PIGN: variants seen among roughly 807,000 people sequenced by gnomAD.
PIGN encodes phosphatidylinositol glycan anchor biosynthesis class N.
PIGN carries 117 observed loss-of-function variants against 125.4 expected under a neutral mutation model. The observed-to-expected ratio is 0.93, with a 90% CI of 0.80 to 1.09. The LOEUF (loss-of-function observed/expected upper bound fraction) is 1.09, where lower values mean the gene tolerates loss of function less well. PIGN is among the 50% of genes least tolerant of loss of function. The pLI is 0.00. For synonymous variants in PIGN, 392 were observed against 377.8 expected (o/e 1.04, Z -0.44); for missense variants, 1,075 against 1,094.9 (o/e 0.98, Z 0.26).
At chr18:62,040,323 T>C (rs938875583), downstream of PIGN, among the ~76,000 whole-genome samples, 1 of 152,140 alleles carries the variant, frequency 6.6e-6, no homozygotes, top group African/African-American at 2.4e-5. Context: ...CCGCACCCCA[T>C]GCAGTGGTCA....
chr18:62,032,719 T>C (rs752906059), intron 23 of PIGN, among the ~76,000 whole-genome samples: 3 of 152,358 alleles, frequency 2.0e-5, no homozygotes, highest in Non-Finnish European at 4.4e-5. Context: ...TATTTATAAT[T>C]ATCCAGTGTT....
chr18:62,048,085 A>G (rs542470273), intron 30 of PIGN, among the ~76,000 whole-genome samples: 21 of 152,346 alleles, frequency 1.4e-4, no homozygotes, highest in Non-Finnish European at 2.9e-4. Flanking sequence ...GAAGTGCTCA[A>G]TAGCAGAACT....
intron 30 of PIGN, chr18:62,072,392 C>A: frequency 4.1e-6 from 1 of 240,986 alleles, no homozygotes; most frequent in East Asian, 7.9e-5. Context: ...GTTAAAAAAT[C>A]TTTTACACTG....
At chr18:62,054,738 C>T (rs939543668) in intron 30 of PIGN, among the ~76,000 whole-genome samples, 34 of 152,106 alleles carry the variant, frequency 2.2e-4, no homozygotes, top group Admixed American at 1.4e-3. Flanking sequence ...GCAATCTGCC[C>T]GCTTTGGCCC....
chr18:62,174,472 G>A (rs975612587), intron 1 of PIGN: 3 of 152,106 alleles, frequency 2.0e-5, no homozygotes, highest in Admixed American at 1.3e-4. Flanking sequence ...AGGCAATTGA[G>A]TCAAACTTTG....
At chr18:62,171,630 C>A (rs1377158742) in intron 1 of PIGN, among the ~76,000 whole-genome samples, 2 of 152,102 alleles carry the variant, frequency 1.3e-5, no homozygotes, top group African/African-American at 4.8e-5. Flanking sequence ...TCCTAATATG[C>A]TGACAGCTTT....
chr18:62,087,690 G>C (rs2033770564), intron 25 of PIGN, among the ~76,000 whole-genome samples: 1 of 152,122 alleles, frequency 6.6e-6, no homozygotes, highest in Non-Finnish European at 1.5e-5. Context: ...CTGTACCTGA[G>C]GTCTAGACTC....
chr18:62,057,362 G>T (rs952622011), intron 30 of PIGN, among the ~76,000 whole-genome samples: 3 of 152,112 alleles, frequency 2.0e-5, no homozygotes, highest in Non-Finnish European at 4.4e-5. Context: ...AGTTACTCAA[G>T]ATTAAAAAAC....
chr18:62,164,119 G>C (rs2037049284), intron 1 of PIGN, among the ~76,000 whole-genome samples: 1 of 152,114 alleles, frequency 6.6e-6, no homozygotes, highest in African/African-American at 2.4e-5. Context: ...TGGTGACTGT[G>C]AGTGATATTA....
chr18:62,045,995 A>C lies in PIGN; in HGVS notation c.2673-16T>G, dbSNP rs1473457282. The stretch of plus-strand genomic sequence containing the variant: ...GTGGCTGATGCTGCAAAAGGAGAAA[A>C]AGATGTTACAGGCAGAGAGAACACA... On this transcript the variant is annotated splice_polypyrimidine_tract_variant and intron_variant, in intron 30 of 30. Transcript: ENST00000640252. 7 of 1,609,130 alleles carry C rather than the reference A, an allele frequency of 4.4e-6. No individual in the cohort carries two copies. The Admixed American group carries it at 1.2e-4, about 27-fold the overall frequency.
intron 28 of PIGN, among the ~76,000 whole-genome samples, chr18:62,077,227 A>C (rs1039957088): frequency 7.9e-5 from 12 of 152,056 alleles, no homozygotes; most frequent in Admixed American, 7.9e-4. Flanking sequence ...AAAATAGAAA[A>C]ATTAGGCAGG....
chr18:62,161,721 A>G (rs750648095), intron 3 of PIGN, among the ~76,000 whole-genome samples: 15 of 152,240 alleles, frequency 9.9e-5, no homozygotes, highest in Non-Finnish European at 1.6e-4. Context: ...TCAGTCCTAA[A>G]AAGAGTTAGC....
chr18:62,056,411 T>G (rs1010379898), intron 30 of PIGN, among the ~76,000 whole-genome samples: 1 of 151,992 alleles, frequency 6.6e-6, no homozygotes, highest in African/African-American at 2.4e-5. Flanking sequence ...CAATCCTGAT[T>G]GCACACTTCT....
At chr18:62,186,020 G>A (rs972035189) in intron 1 of PIGN, among the ~76,000 whole-genome samples, 1 of 148,472 alleles carries the variant, frequency 6.7e-6, no homozygotes, top group South Asian at 2.1e-4. Flanking sequence ...TAATTCCTTT[G>A]ACTCCTTATT....
chr18:62,181,711 C>T (rs935041522), intron 1 of PIGN, among the ~76,000 whole-genome samples: 4 of 151,832 alleles, frequency 2.6e-5, no homozygotes, highest in Non-Finnish European at 5.9e-5. Context: ...TGGGCCCAGT[C>T]GCCTTCTCCT....
chr18:62,047,816 T>C lies in PIGN; in HGVS notation c.2673-1837A>G, dbSNP rs536481055. On this transcript the variant is annotated intron_variant, in intron 30 of 30. Coordinates refer to ENST00000640252, the MANE Select transcript of PIGN (RefSeq NM_176787.5). ...CACCACATCAAGAACCAGGAAGATC[T>C]CAAGCAGAATGAAAAAAGACAATTA... 6.6e-5 allele frequency among the ~76,000 whole-genome samples: 10 copies of C among 152,140 alleles called. No individual in the cohort carries two copies. In the South Asian group the frequency reaches 1.5e-3, roughly 22 times the overall value.
chr18:62,025,299 TAA>T (rs1358684343), intron 23 of PIGN, among the ~76,000 whole-genome samples: 1 of 152,258 alleles, frequency 6.6e-6, no homozygotes, highest in African/African-American at 2.4e-5. Flanking sequence ...TTTTGTGTTC[TAA>T]ATGAAAAGCC....
At chr18:62,047,948 C>T (rs781463697) in intron 30 of PIGN, among the ~76,000 whole-genome samples, 1 of 151,820 alleles carries the variant, frequency 6.6e-6, no homozygotes, top group Non-Finnish European at 1.5e-5. Flanking sequence ...ATACTAGAAA[C>T]AAACACACAA....
At chr18:62,023,117 C>T (rs746714937) in intron 23 of PIGN, among the ~76,000 whole-genome samples, 3 of 152,012 alleles carry the variant, frequency 2.0e-5, no homozygotes, top group Non-Finnish European at 4.4e-5. Context: ...GTGGAACCTA[C>T]GGATATGAAG....
Sources: allele counts gnomAD v4.1 joint callset (sites outside exome capture counted in the v4.1 genomes callset), GRCh38; gene constraint gnomAD v4.1.1; transcripts MANE v1.5; gene names NCBI Gene and HGNC (gene_info 2026-07-23, HGNC 2026-07-21).